The following FDXR variants were observed in gnomAD, a reference collection of about 807,000 sequenced individuals.
FDXR encodes the protein ferredoxin reductase.
In FDXR, 38 loss-of-function variants were observed where a neutral mutation model predicts 58.3. The observed-to-expected ratio is 0.65, with a 90% CI of 0.50 to 0.85. The LOEUF (loss-of-function observed/expected upper bound fraction) is 0.85, where lower values mean the gene tolerates loss of function less well. Among genes scored for constraint, FDXR ranks in the 40% least tolerant of loss-of-function variants. The probability of loss-of-function intolerance (pLI) is 0.00; values close to 1 mark genes in which losing one functional copy is unlikely to be tolerated. For synonymous variants in FDXR, 275 were observed against 273.8 expected, an observed-to-expected ratio of 1.00 and a Z score of -0.04; for missense variants, 624 against 671.0, an observed-to-expected ratio of 0.93 and a Z score of 0.77.
At chr17:74,872,166 A>G in intron 1 of FDXR, 33 bp from the exon 2 acceptor site, 1 of 1,599,294 alleles carries the variant, frequency 6.3e-7, no homozygotes, top group Non-Finnish European at 8.5e-7. Flanking sequence ...GAAAAGGTCA[A>G]AATTAACTTC....
Position 74,872,428 on chromosome 17 carries a change from T to C in FDXR, c.80-295A>G, listed in dbSNP as rs1184376693. The C allele has an allele frequency of 4.2e-6, 3 of 711,196 alleles. No homozygotes were observed. The Admixed American group carries it at 8.6e-5, about 20-fold the overall frequency. 44.1% of individuals were successfully genotyped at this position (711,196 alleles called of 1,614,324 possible). A position where few individuals can be genotyped will look rare whatever the true frequency, so the allele number is the denominator to read the frequency against. ...CCAATCGGCTAGAATCCCACATCCT[T>C]CCAACGGCCTCCATATCATCCCAAT... On this transcript the variant is annotated intron_variant, in intron 1 of 11. Coordinates refer to ENST00000293195, the MANE Select transcript of FDXR (RefSeq NM_024417.5).
intron 4 of FDXR, 25 bp from the exon 5 acceptor site, chr17:74,866,269 A>G: frequency 6.2e-7 from 1 of 1,603,298 alleles, no homozygotes. Flanking sequence ...CAGGCCCGAG[A>G]CCCACAGCCT....
Position 74,863,928 on chromosome 17 carries a change from G to A in FDXR, c.1142C>T (p.Pro381Leu). 6.2e-7 allele frequency: 1 copy of A among 1,613,828 alleles called. No individual in the cohort carries two copies. Among genetic ancestry groups the A allele is most frequent in the Non-Finnish European group, 8.5e-7 (1 of 1,179,890 alleles). The stretch of plus-strand genomic sequence containing the variant: ...ATCCATAACCCGGCCCTCCACATTG[G>A]GGATGACCCCAAGCTTGGAGTCAAA... ...VPFDSKLGVI[P>L]NVEGRVMDVP... Residue 381 changes from proline (P) to leucine (L), a missense_variant, in exon 10 of 12, where the codon CCC (proline) becomes CTC (leucine). Coordinates refer to ENST00000293195, the MANE Select transcript of FDXR (RefSeq NM_024417.5).
At chr17:74,865,306 G>A (rs760297273) in intron 6 of FDXR, among the ~76,000 whole-genome samples, 3 of 152,102 alleles carry the variant, frequency 2.0e-5, no homozygotes, top group African/African-American at 7.2e-5. Flanking sequence ...TAAAATTGCT[G>A]TGGCGATGAT....
At chr17:74,865,896 C>G in intron 5 of FDXR, 76 bp from the exon 6 acceptor site, 1 of 1,205,992 alleles carries the variant, frequency 8.3e-7, no homozygotes, top group Non-Finnish European at 1.2e-6. Flanking sequence ...GTGCCTCATG[C>G]CTGGTCCCCA....
intron 6 of FDXR, 79 bp downstream of exon 6, chr17:74,865,640 C>G (rs1294177183): frequency 1.0e-6 from 1 of 986,162 alleles, no homozygotes; most frequent in Non-Finnish European, 1.5e-6. Context: ...AGAGGTAAGG[C>G]CTGAACCCTG....
At chr17:74,872,799 G>C in intron 1 of FDXR, 67 bp downstream of exon 1, 1 of 1,539,542 alleles carries the variant, frequency 6.5e-7, no homozygotes, top group Non-Finnish European at 8.7e-7. Context: ...GCTCTGCTCC[G>C]ACCCCTACTC....
Position 74,864,281 on chromosome 17 carries a change from G to T in FDXR, c.869C>A (p.Pro290Gln). The T allele has an allele frequency of 6.3e-7, 1 of 1,594,998 alleles. No individual in the cohort carries two copies. Among genetic ancestry groups the T allele is most frequent in the Non-Finnish European group, 8.6e-7 (1 of 1,167,618 alleles). Reference protein sequence around the residue: ...LLRTATEKPGPAEAARQASAS... With the variant: ...LLRTATEKPGQAEAARQASAS... The stretch of plus-strand genomic sequence containing the variant: ...CGATGCCTGGCGGGCAGCTTCCGCC[G>T]GCCCTGGCTTCTCTGTGGCCGTTCG... The change falls in exon 9 of 12, where the codon CCG becomes CAG. Residue 290 changes from proline (P) to glutamine (Q), a missense_variant. By Grantham distance (76) the Pro-to-Gln change is moderately conservative. Transcript: ENST00000293195.
rs1234630646 is a variant in FDXR, at chr17:74,863,148, G to C, written c.1273C>G (p.Leu425Val). The part of the protein sequence containing the change: ...FLTGQMLLQD[L>V]KAGLLPSGPR... ...CCAGAGGGGAGCAACCCAGCCTTCA[G>C]GTCCTGCAGCAGCATCTGGCCGGTG... The change falls in exon 11 of 12, where the codon CTG becomes GTG. Residue 425 changes from leucine (L) to valine (V), a missense_variant. Coordinates refer to ENST00000293195, the MANE Select transcript of FDXR (RefSeq NM_024417.5). 4 of 1,613,730 alleles carry C rather than the reference G, an allele frequency of 2.5e-6. No individual in the cohort carries two copies. The highest frequency in any genetic ancestry group is 3.4e-6 in the Non-Finnish European group (4 of 1,180,012).
At chr17:74,867,091 G>A (rs1464476830) in intron 2 of FDXR, 4 of 1,002,020 alleles carry the variant, frequency 4.0e-6, no homozygotes, top group African/African-American at 3.3e-5. Context: ...TGGATAACCT[G>A]AGGTCAGGAG....
intron 2 of FDXR, among the ~76,000 whole-genome samples, chr17:74,867,627 AAG>A (rs1283794850): frequency 2.6e-5 from 4 of 152,098 alleles, no homozygotes; most frequent in African/African-American, 4.8e-5. Flanking sequence ...ATTCACGGGA[AAG>A]AGAGGTGGAA....
chr17:74,864,602 G>A (rs1246842061), intron 7 of FDXR, 38 bp from the exon 8 acceptor site: 1 of 1,582,716 alleles, frequency 6.3e-7, no homozygotes. Flanking sequence ...AGGAGGTCAG[G>A]CCCAGAACAC....
At chr17:74,869,549 T>C (rs1308352835) in intron 2 of FDXR, among the ~76,000 whole-genome samples, 1 of 152,034 alleles carries the variant, frequency 6.6e-6, no homozygotes, top group Non-Finnish European at 1.5e-5. Flanking sequence ...TTCACGCAGT[T>C]CTCTGTGCCT....
chr17:74,872,382 C>A, intron 1 of FDXR: 1 of 954,104 alleles, frequency 1.0e-6, no homozygotes, highest in Non-Finnish European at 1.6e-6. Context: ...ATGGCCTGCC[C>A]AACAACACTT....
chr17:74,865,872 A>C, intron 5 of FDXR, 52 bp from the exon 6 acceptor site: 20 of 1,384,598 alleles, frequency 1.4e-5, no homozygotes, highest in Middle Eastern at 1.8e-4. Context: ...CACTCAGTTC[A>C]TCTCAGTCTG....
At chr17:74,866,978 T>C (rs975235192) in intron 2 of FDXR, 102 bp from the exon 3 acceptor site, 1 of 1,532,188 alleles carries the variant, frequency 6.5e-7, no homozygotes, top group Non-Finnish European at 8.8e-7. Flanking sequence ...TTCAGGACCC[T>C]GGGCTGAGAA....
intron 2 of FDXR, among the ~76,000 whole-genome samples, chr17:74,867,326 A>C (rs2038227459): frequency 6.6e-6 from 1 of 150,686 alleles, no homozygotes; most frequent in Non-Finnish European, 1.5e-5. Flanking sequence ...AAAAAAAAAA[A>C]AAAAAAAGAC....
At position 74,862,709 on chromosome 17, in the gene FDXR, A is replaced by G. The variant is rs2038005931; in HGVS notation, c.*108T>C. On this transcript the variant is annotated 3_prime_UTR_variant, in exon 12 of 12. Coordinates refer to ENST00000293195, the MANE Select transcript of FDXR (RefSeq NM_024417.5). ...GGAAGAGCAGCCAAGCCTCCAAGCC[A>G]GGGCCGGCCGGGATCAGCAGAGGTG... 2.8e-6 allele frequency: 4 copies of G among 1,415,262 alleles called. No homozygotes were observed. In the African/African-American group the frequency reaches 4.3e-5, roughly 15 times the overall value. 87.7% of individuals were successfully genotyped at this position (1,415,262 alleles called of 1,614,324 possible). A position where few individuals can be genotyped will look rare whatever the true frequency, so the allele number is the denominator to read the frequency against.
rs760036190 is a variant in FDXR, at chr17:74,866,127, T to C, written c.507+4A>G. 1 of 1,605,914 alleles carries C rather than the reference T, an allele frequency of 6.2e-7. No homozygotes were observed. ...GAGGCAGCGGGCGTGCTCCCCATAC[T>C]CACCTCCTGGTTCTCAGGAAGCCCG... On this transcript the variant is annotated splice_donor_region_variant and intron_variant, in intron 5 of 11. Coordinates refer to ENST00000293195, the MANE Select transcript of FDXR (RefSeq NM_024417.5).
Sources: gnomAD v4.1 joint callset for allele counts (sites outside exome capture counted in the v4.1 genomes callset) on GRCh38, gnomAD v4.1.1 for gene constraint, MANE v1.5 for transcripts, NCBI Gene and HGNC (gene_info 2026-07-23, HGNC 2026-07-21) for gene names.